Variants in LRP1B observed in about 807,000 individuals in gnomAD.
LRP1B encodes the protein low-density lipoprotein receptor-related protein 1B.
A neutral mutation model predicts 556.6 loss-of-function variants in LRP1B; 217 were observed. The ratio of observed to expected loss-of-function variants is 0.39; its 90% CI spans 0.35 to 0.44. The LOEUF is 0.44. Ranked by LOEUF, LRP1B falls within the 20% of genes least tolerant of loss-of-function variation. The pLI is 1.00. For synonymous variants in LRP1B, 2,047 were observed against 1,865.8 expected, an observed-to-expected ratio of 1.10 and a Z score of -2.50; for missense variants, 5,053 against 5,620.8, an observed-to-expected ratio of 0.90 and a Z score of 3.23.
chr2:140,313,828 G>A (rs549845198), intron 83 of LRP1B, among the ~76,000 whole-genome samples: 1 of 151,932 alleles, frequency 6.6e-6, no homozygotes, highest in South Asian at 2.1e-4. Flanking sequence ...ATAAAAATAT[G>A]TGGTAAGACT....
chr2:141,269,987 G>A (rs73962894), intron 3 of LRP1B, among the ~76,000 whole-genome samples: 8 of 152,068 alleles, frequency 5.3e-5, no homozygotes, highest in Admixed American at 4.6e-4. Context: ...GTGTAAGTGG[G>A]ACATGATCAG....
At chr2:141,340,290 C>G (rs1293327716) in intron 3 of LRP1B, among the ~76,000 whole-genome samples, 1 of 152,336 alleles carries the variant, frequency 6.6e-6, no homozygotes, top group East Asian at 1.9e-4. Context: ...GTGAGAAGCA[C>G]CAGGCAGCAC....
chr2:141,458,965 T>C (rs113488437), intron 3 of LRP1B, among the ~76,000 whole-genome samples: 7 of 152,206 alleles, frequency 4.6e-5, no homozygotes, highest in Non-Finnish European at 1.0e-4. Context: ...GGCCTCATGC[T>C]ATAGTTAGTT....
At chr2:140,717,155 A>T (rs1687242314) in intron 35 of LRP1B, among the ~76,000 whole-genome samples, 1 of 152,016 alleles carries the variant, frequency 6.6e-6, no homozygotes, top group African/African-American at 2.4e-5. Flanking sequence ...ATTCCAAACC[A>T]TGTTATTTTG....
chr2:141,812,085 G>T (rs1696377307), intron 1 of LRP1B, among the ~76,000 whole-genome samples: 1 of 152,086 alleles, frequency 6.6e-6, no homozygotes, highest in South Asian at 2.1e-4. Context: ...TGGCATTCAG[G>T]TTATAAGACC....
chr2:140,895,002 G>C (rs1475570668), intron 23 of LRP1B, among the ~76,000 whole-genome samples: 2 of 151,936 alleles, frequency 1.3e-5, no homozygotes, highest in African/African-American at 4.8e-5. Flanking sequence ...TCAGATCTGG[G>C]GTGAAAAGGG....
intron 1 of LRP1B, among the ~76,000 whole-genome samples, chr2:141,900,254 G>A (rs1398391358): frequency 6.6e-6 from 1 of 151,978 alleles, no homozygotes; most frequent in Non-Finnish European, 1.5e-5. Context: ...TGAAACAAAG[G>A]ATATGATTAT....
At chr2:141,547,907 A>G (rs1264318055) in intron 2 of LRP1B, among the ~76,000 whole-genome samples, 1 of 151,238 alleles carries the variant, frequency 6.6e-6, no homozygotes, top group Non-Finnish European at 1.5e-5. Flanking sequence ...ATATTTTTCA[A>G]AATCGGTATG....
chr2:141,793,570 G>A (rs1489860298), intron 2 of LRP1B, among the ~76,000 whole-genome samples: 2 of 151,846 alleles, frequency 1.3e-5, no homozygotes, highest in Non-Finnish European at 2.9e-5. Flanking sequence ...AAAAATTAAT[G>A]CTGCCAAATT....
intron 1 of LRP1B, among the ~76,000 whole-genome samples, chr2:142,003,059 A>G (rs536562459): frequency 6.6e-6 from 1 of 152,238 alleles, no homozygotes; most frequent in Non-Finnish European, 1.5e-5. Flanking sequence ...AGCATATCAA[A>G]GGCTATCATG....
chr2:142,044,014 A>G (rs1307191295), intron 1 of LRP1B, among the ~76,000 whole-genome samples: 7 of 151,804 alleles, frequency 4.6e-5, no homozygotes, highest in Admixed American at 4.6e-4. Context: ...TATCTGAACT[A>G]TACTTTTAAT....
At chr2:141,479,174 A>G (rs1444086447) in intron 3 of LRP1B, among the ~76,000 whole-genome samples, 2 of 152,108 alleles carry the variant, frequency 1.3e-5, no homozygotes, top group East Asian at 3.9e-4. Context: ...TCTTCAGGTT[A>G]TTGTTCTAAG....
At chr2:140,474,863 G>A (rs973456848) in intron 60 of LRP1B, among the ~76,000 whole-genome samples, 27 of 151,810 alleles carry the variant, frequency 1.8e-4, no homozygotes, top group African/African-American at 6.5e-4. Flanking sequence ...GATGCATGTG[G>A]ATATTAATTT....
intron 2 of LRP1B, among the ~76,000 whole-genome samples, chr2:141,588,532 T>A (rs1687219116): frequency 6.6e-6 from 1 of 152,194 alleles, no homozygotes; most frequent in Non-Finnish European, 1.5e-5. Context: ...ACAGGGATTG[T>A]TTTAGCCCCT....
intron 5 of LRP1B, among the ~76,000 whole-genome samples, chr2:141,241,423 T>C (rs751156321): frequency 1.3e-5 from 2 of 152,002 alleles, no homozygotes; most frequent in African/African-American, 2.4e-5. Flanking sequence ...TGTATGTTTA[T>C]TTGAGAGGGG....
At chr2:141,742,251 CT>C (rs1693737137) in intron 2 of LRP1B, among the ~76,000 whole-genome samples, 1 of 131,300 alleles carries the variant, frequency 7.6e-6, no homozygotes, top group Non-Finnish European at 1.6e-5. Context: ...TTTTTTCTTT[CT>C]TTCTTTTTTT....
At chr2:140,356,262 G>C (rs910402660) in intron 75 of LRP1B, 80 bp downstream of exon 75, 1 of 1,398,788 alleles carries the variant, frequency 7.1e-7, no homozygotes, top group African/African-American at 1.4e-5. Flanking sequence ...TCAATCCCCT[G>C]TGATCTCACA....
chr2:141,856,360 T>G lies in LRP1B; in HGVS notation c.83-45959A>C, dbSNP rs1698050634. On this transcript the variant is annotated intron_variant, in intron 1 of 90. Transcript: ENST00000389484. ...CTCAAAAGGATCATCTAATCCAGTA[T>G]TAAGGCAAGAGCTTGTCTAAGCTAT... Among the ~76,000 whole-genome samples, 6 of 152,282 alleles carry G rather than the reference T, an allele frequency of 3.9e-5. No individual in the cohort carries two copies. The South Asian group carries it at 1.2e-3, about 32-fold the overall frequency.
intron 3 of LRP1B, among the ~76,000 whole-genome samples, chr2:141,362,978 CATTG>C (rs1008061839): frequency 6.6e-6 from 1 of 152,126 alleles, no homozygotes; most frequent in African/African-American, 2.4e-5. Context: ...TATATCACAA[CATTG>C]ATTATTTCAG....
Sources: allele counts gnomAD v4.1 joint callset (sites outside exome capture counted in the v4.1 genomes callset), GRCh38; gene constraint gnomAD v4.1.1; transcripts MANE v1.5; gene names NCBI Gene and HGNC (gene_info 2026-07-23, HGNC 2026-07-21).